The following MANEA variants were observed in gnomAD, a reference collection of about 807,000 sequenced individuals.
MANEA encodes the protein mannosidase endo-alpha, also known as glycoprotein endo-alpha-1,2-mannosidase.
Under a neutral mutation model 36.8 loss-of-function variants are expected in MANEA, and 25 were observed. That is an observed-to-expected ratio of 0.68 (90% CI 0.50 to 0.95). MANEA has a LOEUF of 0.95. Among genes scored for constraint, MANEA ranks in the 40% least tolerant of loss-of-function variants. The pLI is 0.00. For missense variants in MANEA, 565 were observed against 558.8 expected, an observed-to-expected ratio of 1.01 and a Z score of -0.11; for synonymous variants, 198 against 188.5, an observed-to-expected ratio of 1.05 and a Z score of -0.41.
chr6:95,595,457 G>C (rs1425131992), intron 2 of MANEA, among the ~76,000 whole-genome samples: 1 of 152,094 alleles, frequency 6.6e-6, no homozygotes. Context: ...GTGGATAGGG[G>C]ACATAAGGAT....
intron 2 of MANEA, chr6:95,588,358 G>A (rs903181988): frequency 4.6e-5 from 7 of 152,024 alleles, no homozygotes; most frequent in Non-Finnish European, 7.4e-5. Context: ...TATCAGATAT[G>A]TGCAAGATGA....
chr6:95,597,386 T>C (rs1001972096), intron 3 of MANEA, among the ~76,000 whole-genome samples: 5 of 152,064 alleles, frequency 3.3e-5, no homozygotes, highest in East Asian at 3.8e-4. Context: ...TTATTTCTTT[T>C]AGAAATTAAT....
intron 2 of MANEA, among the ~76,000 whole-genome samples, chr6:95,589,298 TG>T (rs1769341311): frequency 6.6e-6 from 1 of 152,198 alleles, no homozygotes; most frequent in Non-Finnish European, 1.5e-5. Flanking sequence ...AAATGAAGGC[TG>T]TTTAAATTGT....
At position 95,601,171 on chromosome 6, in the gene MANEA, T is replaced by C. The variant is rs72926401; in HGVS notation, c.655-3656T>C. Among the ~76,000 whole-genome samples the C allele has an allele frequency of 7.6e-3, 1,162 of 152,348 alleles. 2 individuals carry two copies. Among genetic ancestry groups the C allele is most frequent in the Non-Finnish European group, 0.013 (904 of 68,020 alleles). ...GCTAGAGCAAAGGCTGTTGCACTTA[T>C]AACTGTCATTTAGTAGGCTGGTTTT... On this transcript the variant is annotated intron_variant, in intron 3 of 4. Coordinates refer to ENST00000358812, the MANE Select transcript of MANEA (RefSeq NM_024641.4).
chr6:95,592,118 T>G (rs951246858), intron 2 of MANEA, among the ~76,000 whole-genome samples: 1 of 152,248 alleles, frequency 6.6e-6, no homozygotes, highest in South Asian at 2.1e-4. Flanking sequence ...CCCCAGTCTT[T>G]TTTCTCATTA....
In MANEA at chr6:95,609,065, C is replaced by G. The variant is rs930285395; in HGVS notation, c.*2660C>G. Reference sequence around the variant, plus strand: ...TTCCTCAGGTATTTATTACAACTGCCTTTACCATTTTAGTTGTAACACAGT... The same window carrying G: ...TTCCTCAGGTATTTATTACAACTGCGTTTACCATTTTAGTTGTAACACAGT... On this transcript the variant is annotated 3_prime_UTR_variant, in exon 5 of 5. Transcript: ENST00000358812. 1 of 151,644 alleles carries G rather than the reference C, an allele frequency of 6.6e-6. No homozygotes were observed. The highest frequency in any genetic ancestry group is 2.4e-5 in the African/African-American group (1 of 41,376). 9.4% of individuals were successfully genotyped at this position (151,644 alleles called of 1,614,324 possible).
chr6:95,587,172 A>G (rs749532661), intron 2 of MANEA, 189 bp downstream of exon 2: 12 of 493,164 alleles, frequency 2.4e-5, no homozygotes, highest in Admixed American at 2.2e-4. Context: ...CCCTTAGTGT[A>G]TATTGTTTAA....
At chr6:95,590,681 A>G (rs1056677393) in intron 2 of MANEA, among the ~76,000 whole-genome samples, 3 of 152,216 alleles carry the variant, frequency 2.0e-5, no homozygotes, top group African/African-American at 7.2e-5. Flanking sequence ...GTGATATTCC[A>G]TAAAGCTTTC....
chr6:95,595,880 A>T (rs1018483626), intron 2 of MANEA, among the ~76,000 whole-genome samples: 1 of 152,134 alleles, frequency 6.6e-6, no homozygotes, highest in African/African-American at 2.4e-5. Context: ...AAAGGTATTG[A>T]TCTACACAAA....
Position 95,605,867 on chromosome 6 carries a change from C to A in MANEA, c.851C>A (p.Thr284Asn). 2 of 1,614,014 alleles carry A rather than the reference C, an allele frequency of 1.2e-6. No homozygotes were observed. The highest frequency in any genetic ancestry group is 1.7e-6 in the Non-Finnish European group (2 of 1,179,968). ...GAAAAATGGGCCAATCTGTTAACCA[C>A]CTCAGGGTCTCGGAGTATTCGCAAT... The part of the protein sequence containing the change: ...KPEKWANLLT[T>N]SGSRSIRNSP... Residue 284 changes from threonine to asparagine, a missense_variant, in exon 5 of 5, where the codon ACC becomes AAC. Transcript: ENST00000358812.
chr6:95,583,387 G>A (rs1769219559), intron 1 of MANEA, among the ~76,000 whole-genome samples: 1 of 151,590 alleles, frequency 6.6e-6, no homozygotes, highest in Non-Finnish European at 1.5e-5. Flanking sequence ...TATAACATAA[G>A]ATGCACAATA....
Position 95,586,974 on chromosome 6 carries a change from G to C in MANEA, c.535G>C (p.Ala179Pro). ...IETHMRQMRS[A>P]SIGVLALSWY... ...AACTCACATGAGACAAATGCGCTCA[G>C]CTTCAATTGGTAATTATTGTATATA... Residue 179 changes from alanine (A) to proline (P), a missense_variant, in exon 2 of 5, where the codon GCT becomes CCT. Transcript: ENST00000358812. 1 of 1,581,626 alleles carries C rather than the reference G, an allele frequency of 6.3e-7. No homozygotes were observed. Among genetic ancestry groups the C allele is most frequent in the Non-Finnish European group, 8.7e-7 (1 of 1,154,316 alleles).
intron 1 of MANEA, among the ~76,000 whole-genome samples, chr6:95,583,251 G>T (rs939384434): frequency 6.6e-6 from 1 of 152,028 alleles, no homozygotes; most frequent in African/African-American, 2.4e-5. Context: ...AGGATACCAG[G>T]TAAAGTGTCA....
At position 95,605,811 on chromosome 6, in the gene MANEA, T is replaced by A. The variant is rs781385453; in HGVS notation, c.795T>A (p.Phe265Leu). 1 of 1,613,690 alleles carries A rather than the reference T, an allele frequency of 6.2e-7. No individual in the cohort carries two copies. The highest frequency in any genetic ancestry group is 1.3e-5 in the African/African-American group (1 of 74,896). ...KTKTGNALPM[F>L]YVYDSYITKP... ...AGACTGGCAATGCTCTTCCTATGTT[T>A]TATGTCTATGATTCCTATATTACCA... Residue 265 changes from phenylalanine (F) to leucine (L), a missense_variant, in exon 5 of 5, where the codon TTT becomes TTA. Physicochemically the swap from Phe to Leu is conservative, Grantham distance 22. Transcript: ENST00000358812.
chr6:95,584,567 G>A (rs1311535145), intron 1 of MANEA, among the ~76,000 whole-genome samples: 2 of 152,152 alleles, frequency 1.3e-5, no homozygotes. Context: ...GACAGTAGGT[G>A]CACAGCTGAA....
intron 3 of MANEA, among the ~76,000 whole-genome samples, chr6:95,599,786 A>G (rs1769554561): frequency 6.6e-6 from 1 of 152,126 alleles, no homozygotes; most frequent in Admixed American, 6.6e-5. Flanking sequence ...CTGATTTACT[A>G]TCCTGAAACT....
intron 2 of MANEA, among the ~76,000 whole-genome samples, chr6:95,590,716 T>A (rs1267777270): frequency 6.6e-6 from 1 of 152,146 alleles, no homozygotes; most frequent in African/African-American, 2.4e-5. Context: ...GCCCAACCTT[T>A]GGCTACAAAA....
At chr6:95,603,132 ATATT>A (rs749172852) in intron 3 of MANEA, among the ~76,000 whole-genome samples, 2 of 151,750 alleles carry the variant, frequency 1.3e-5, no homozygotes, top group Non-Finnish European at 2.9e-5. Flanking sequence ...TATCAATACT[ATATT>A]TACTTTAAAT....
Position 95,586,387 on chromosome 6 carries a change from T to C in MANEA, c.-38-15T>C. 7.0e-7 allele frequency: 1 copy of C among 1,422,996 alleles called. No individual in the cohort carries two copies. 88.1% of individuals were successfully genotyped at this position (1,422,996 alleles called of 1,614,324 possible). The stretch of plus-strand genomic sequence containing the variant: ...TGATAACACTTACTAATTATCTTTT[T>C]TCAATAAATTGCAGCAAAACACTTA... On this transcript the variant is annotated splice_polypyrimidine_tract_variant and intron_variant, in intron 1 of 4. Coordinates refer to ENST00000358812, the MANE Select transcript of MANEA (RefSeq NM_024641.4).
Sources: gnomAD v4.1 joint callset for allele counts (sites outside exome capture counted in the v4.1 genomes callset) on GRCh38, gnomAD v4.1.1 for gene constraint, MANE v1.5 for transcripts, NCBI Gene and HGNC (gene_info 2026-07-23, HGNC 2026-07-21) for gene names.